Variants in TMEM108 observed in about 807,000 individuals in gnomAD.
TMEM108 encodes the protein cancer/testis antigen 124.
A neutral mutation model predicts 35.1 loss-of-function variants in TMEM108; 12 were observed. The ratio of observed to expected loss-of-function variants is 0.34; its 90% confidence interval spans 0.22 to 0.55. The LOEUF (loss-of-function observed/expected upper bound fraction) is 0.55, where lower values mean the gene tolerates loss of function less well. Among genes scored for constraint, TMEM108 ranks in the 20% least tolerant of loss-of-function variants. The pLI is 0.89. For synonymous variants in TMEM108, 287 were observed against 308.6 expected (o/e 0.93, Z 0.73); for missense variants, 680 against 753.3 (o/e 0.90, Z 1.14).
intron 4 of TMEM108, chr3:133,389,466 C>T: frequency 2.2e-6 from 2 of 913,336 alleles, no homozygotes; most frequent in South Asian, 1.0e-4. Context: ...GGCGGATTAC[C>T]TGAGGTCAGG....
chr3:133,147,950 C>T (rs1254833604), intron 2 of TMEM108, among the ~76,000 whole-genome samples: 1 of 152,060 alleles, frequency 6.6e-6, no homozygotes, highest in Admixed American at 6.6e-5. Flanking sequence ...AAAAACCCTC[C>T]TCTGAATGCC....
chr3:133,380,036 T>A lies in TMEM108; in HGVS notation c.325T>A (p.Ser109Thr). 6.2e-7 allele frequency: 1 copy of A among 1,612,988 alleles called. No individual in the cohort carries two copies. Among genetic ancestry groups the A allele is most frequent in the South Asian group, 1.1e-5 (1 of 91,032 alleles). Residue 109 changes from serine (S) to threonine (T), a missense_variant, in exon 4 of 6, where the codon TCT becomes ACT. Physicochemically the swap from Ser to Thr is moderately conservative, Grantham distance 58. This residue lies in a region of TMEM108 where 526 missense variants were observed against 532.1 expected (regional missense o/e 0.99). Transcript: ENST00000321871. This position sits in a 1 kb window ranked among gnomAD's most constrained non-coding sequence, Gnocchi z 5.3. ...TIAATVTAPH[S>T]ESSLSTGPAP... ...CGCTGCGACAGTAACCGCCCCCCAT[T>A]CTGAAAGCTCCCTGTCCACAGGGCC...
At chr3:133,134,468 T>C (rs1307699407) in intron 2 of TMEM108, among the ~76,000 whole-genome samples, 1 of 152,188 alleles carries the variant, frequency 6.6e-6, no homozygotes, top group Non-Finnish European at 1.5e-5. Context: ...ATAAGAAATA[T>C]ATATTTGGTC....
chr3:133,234,969 G>A (rs890116867), intron 3 of TMEM108, among the ~76,000 whole-genome samples: 8 of 152,062 alleles, frequency 5.3e-5, no homozygotes, highest in Non-Finnish European at 1.5e-5. Flanking sequence ...CAGACAAATA[G>A]AGAGCCAAAT....
At chr3:133,111,467 T>G (rs1389100023) in intron 2 of TMEM108, among the ~76,000 whole-genome samples, 3 of 152,116 alleles carry the variant, frequency 2.0e-5, no homozygotes, top group East Asian at 3.9e-4. Context: ...GAATTTTGAC[T>G]TTAATATAGA....
chr3:133,161,876 C>A (rs904559824), intron 2 of TMEM108, among the ~76,000 whole-genome samples: 1 of 152,160 alleles, frequency 6.6e-6, no homozygotes, highest in Non-Finnish European at 1.5e-5. Flanking sequence ...GAAAACCTGG[C>A]TAAGTGTCTT....
At chr3:133,303,384 CA>C (rs539266334) in intron 3 of TMEM108, 5 of 152,134 alleles carry the variant, frequency 3.3e-5, no homozygotes, top group Non-Finnish European at 5.9e-5. Context: ...TTCATAATCA[CA>C]ACAAATCTCA....
intron 3 of TMEM108, among the ~76,000 whole-genome samples, chr3:133,284,236 C>T (rs1481720984): frequency 6.6e-6 from 1 of 152,216 alleles, no homozygotes; most frequent in Non-Finnish European, 1.5e-5. Context: ...TTCTATTGCT[C>T]AGCTCTTGAC....
intron 2 of TMEM108, among the ~76,000 whole-genome samples, chr3:133,066,977 A>G (rs1231134386): frequency 6.6e-6 from 1 of 152,176 alleles, no homozygotes; most frequent in African/African-American, 2.4e-5. Context: ...ACCCATGTTG[A>G]AATTTGTACC....
chr3:133,296,100 G>T (rs1947141591), intron 3 of TMEM108, among the ~76,000 whole-genome samples: 1 of 152,114 alleles, frequency 6.6e-6, no homozygotes, highest in African/African-American at 2.4e-5. Flanking sequence ...ATGTCTGAGT[G>T]CATATCTACC....
intron 3 of TMEM108, among the ~76,000 whole-genome samples, chr3:133,234,130 A>C (rs1320223533): frequency 6.6e-6 from 1 of 152,108 alleles, no homozygotes; most frequent in African/African-American, 2.4e-5. Flanking sequence ...CTATGTCCTG[A>C]ATGGTAATGC....
At chr3:133,118,992 G>C (rs530494313) in intron 2 of TMEM108, 1 of 152,148 alleles carries the variant, frequency 6.6e-6, no homozygotes, top group Admixed American at 6.6e-5. Context: ...TATGCCACAG[G>C]TGGTTGTATC....
At chr3:133,271,425 C>G (rs556405833) in intron 3 of TMEM108, among the ~76,000 whole-genome samples, 1 of 152,336 alleles carries the variant, frequency 6.6e-6, no homozygotes, top group Admixed American at 6.5e-5. Flanking sequence ...AACTTTCCTA[C>G]TACAAGGCTG....
At chr3:133,272,258 ACAC>A (rs1303916817) in intron 3 of TMEM108, among the ~76,000 whole-genome samples, 2 of 142,626 alleles carry the variant, frequency 1.4e-5, no homozygotes, top group Non-Finnish European at 3.0e-5. Context: ...CCTTATAAGA[ACAC>A]CATACACGTA....
In TMEM108 at chr3:133,108,731, G is replaced by A. The variant is rs533409980; in HGVS notation, c.-47+62711G>A. On this transcript the variant is annotated intron_variant, in intron 2 of 5. Transcript: ENST00000321871. The stretch of plus-strand genomic sequence containing the variant: ...AAACCATCATTCTCAGCAAACTATC[G>A]CAAGGACGAAAAACCAAACACCGCA... Among the ~76,000 whole-genome samples, 21 of 151,102 alleles carry A rather than the reference G, an allele frequency of 1.4e-4. No homozygotes were observed. In the South Asian group the frequency reaches 3.2e-3, roughly 23 times the overall value.
At chr3:133,109,266 C>T (rs1382819516) in intron 2 of TMEM108, among the ~76,000 whole-genome samples, 1 of 152,144 alleles carries the variant, frequency 6.6e-6, no homozygotes, top group African/African-American at 2.4e-5. Flanking sequence ...GCAATAGATA[C>T]TTTCGAAGGT....
At chr3:133,225,523 G>A (rs1456070025) in intron 2 of TMEM108, among the ~76,000 whole-genome samples, 1 of 152,120 alleles carries the variant, frequency 6.6e-6, no homozygotes, top group East Asian at 1.9e-4. Context: ...GATTTCCAGA[G>A]CAATACGTTT....
chr3:133,241,675 G>A (rs547353877), intron 3 of TMEM108, among the ~76,000 whole-genome samples: 7 of 140,798 alleles, frequency 5.0e-5, no homozygotes, highest in Non-Finnish European at 1.1e-4. Context: ...GAGTACAATG[G>A]CATGATCTTG....
chr3:133,232,765 A>T, intron 3 of TMEM108, among the ~76,000 whole-genome samples: 1 of 151,444 alleles, frequency 6.6e-6, no homozygotes, highest in East Asian at 2.0e-4. Context: ...AGCTCTACTC[A>T]GGAATGTGGT....
Sources: allele counts gnomAD v4.1 joint callset (sites outside exome capture counted in the v4.1 genomes callset), GRCh38; gene constraint gnomAD v4.1.1; regional missense constraint gnomAD v4.1.1; non-coding constraint Gnocchi (gnomAD v3.1); transcripts MANE v1.5; gene names NCBI Gene and HGNC (gene_info 2026-07-23, HGNC 2026-07-21).